ANXA8: variants seen among roughly 807,000 people sequenced by gnomAD.
ANXA8 encodes annexin A8, also known as VAC-beta.
A neutral mutation model predicts 26.8 loss-of-function variants in ANXA8; 9 were observed. That is an observed-to-expected ratio of 0.34 (90% CI 0.20 to 0.59). The LOEUF (loss-of-function observed/expected upper bound fraction) is 0.59. ANXA8 is among the 20% of genes least tolerant of loss of function. The pLI is 0.84. For missense variants in ANXA8, 83 were observed against 238.5 expected, an observed-to-expected ratio of 0.35 and a Z score of 4.29; for synonymous variants, 39 against 94.8, an observed-to-expected ratio of 0.41 and a Z score of 3.42.
chr10:47,637,413 T>C, the ANXA8 span, among the ~76,000 whole-genome samples: 5 of 150,222 alleles, frequency 3.3e-5, no homozygotes, highest in Non-Finnish European at 7.3e-5. Context: ...CCAATCTCTG[T>C]AGTAAACACA....
At chr10:47,498,030 A>G in the ANXA8 span, among the ~76,000 whole-genome samples, 1 of 151,468 alleles carries the variant, frequency 6.6e-6, no homozygotes, top group Non-Finnish European at 1.5e-5. Flanking sequence ...TGGCAGTTGG[A>G]ACAGGGGTCA....
At chr10:47,502,934 T>A in the ANXA8 span, 7 of 1,601,638 alleles carry the variant, frequency 4.4e-6, 2 homozygotes, top group African/African-American at 8.5e-5. Flanking sequence ...TGTTTCTTTT[T>A]ATTGGCATGA....
chr10:47,951,796 G>GT, the ANXA8 span, among the ~76,000 whole-genome samples: 15 of 104,576 alleles, frequency 1.4e-4, no homozygotes, highest in African/African-American at 5.5e-4. Flanking sequence ...GGGAGACAGA[G>GT]CAAGACTCTG....
At chr10:47,676,455 G>A in the ANXA8 span, among the ~76,000 whole-genome samples, 1 of 151,840 alleles carries the variant, frequency 6.6e-6, no homozygotes, top group African/African-American at 2.4e-5. Context: ...AGCAACAGGA[G>A]AGCAACAGGA....
chr10:47,553,126 T>C, the ANXA8 span, among the ~76,000 whole-genome samples: 1 of 151,960 alleles, frequency 6.6e-6, no homozygotes, highest in Non-Finnish European at 1.5e-5. Context: ...TCTACTATAT[T>C]TTACTGCCGA....
At chr10:47,668,097 T>A in the ANXA8 span, among the ~76,000 whole-genome samples, 2 of 151,144 alleles carry the variant, frequency 1.3e-5, no homozygotes, top group African/African-American at 4.9e-5. Flanking sequence ...TTTTCTTGAA[T>A]TATTTCACTG....
chr10:47,599,461 A>G, the ANXA8 span, among the ~76,000 whole-genome samples: 36 of 149,008 alleles, frequency 2.4e-4, 7 homozygotes, highest in African/African-American at 9.3e-4. Flanking sequence ...ACTAGCATAA[A>G]ATATTAATTG....
chr10:47,674,794 G>A, the ANXA8 span, among the ~76,000 whole-genome samples: 35 of 151,662 alleles, frequency 2.3e-4, no homozygotes, highest in Non-Finnish European at 2.9e-5. Flanking sequence ...TCTTATTATT[G>A]CTTTATTTAT....
the ANXA8 span, among the ~76,000 whole-genome samples, chr10:47,685,346 CAAAAAA>C: frequency 3.0e-4 from 25 of 82,998 alleles, no homozygotes; most frequent in African/African-American, 1.0e-3. Flanking sequence ...GAATCTGTCT[CAAAAAA>C]AAAAAAAAAG....
chr10:47,502,415 C>T, the ANXA8 span: 9 of 1,610,794 alleles, frequency 5.6e-6, no homozygotes, highest in Non-Finnish European at 7.6e-6. Flanking sequence ...AGCTTCTCCT[C>T]ATATTTGGAA....
chr10:47,743,405 T>TGTGTGTGTGAGAGAGAGAGAGA, the ANXA8 span, among the ~76,000 whole-genome samples: 1 of 83,528 alleles, frequency 1.2e-5, no homozygotes, highest in African/African-American at 4.9e-5. Context: ...TGTGTGTGTG[T>TGTGTGTGTGAGAGAGAGAGAGA]GAGAGAGAGA....
At chr10:47,750,745 AAAT>A in the ANXA8 span, 1 of 148,008 alleles carries the variant, frequency 6.8e-6, no homozygotes, top group Non-Finnish European at 1.5e-5. Flanking sequence ...ACTTAAATCT[AAAT>A]TTTATTTTAT....
chr10:47,898,962 T>C, the ANXA8 span, among the ~76,000 whole-genome samples: 1 of 149,796 alleles, frequency 6.7e-6, no homozygotes, highest in African/African-American at 2.5e-5. Context: ...GCCTCCCGAG[T>C]AGCTGGGATT....
the ANXA8 span, among the ~76,000 whole-genome samples, chr10:47,941,592 A>T: frequency 6.8e-6 from 1 of 147,168 alleles, no homozygotes; most frequent in East Asian, 2.1e-4. Flanking sequence ...GCAGTCAGCC[A>T]AGATTGCTTC....
chr10:47,968,873 A>G, the ANXA8 span, among the ~76,000 whole-genome samples: 1 of 145,182 alleles, frequency 6.9e-6, no homozygotes, highest in Non-Finnish European at 1.5e-5. Context: ...GGCACATCCT[A>G]TGTAACATAT....
the ANXA8 span, among the ~76,000 whole-genome samples, chr10:47,991,313 G>GCA: frequency 1.3e-5 from 1 of 79,874 alleles, no homozygotes; most frequent in Admixed American, 1.2e-4. Flanking sequence ...CTCCCCAAAT[G>GCA]CACACGTGTG....
the ANXA8 span, among the ~76,000 whole-genome samples, chr10:47,652,345 C>T: frequency 6.6e-6 from 1 of 151,840 alleles, no homozygotes; most frequent in South Asian, 2.1e-4. Flanking sequence ...AGCCTGTAAT[C>T]CCAGGCTTTG....
At chr10:47,977,546 G>A in the ANXA8 span, among the ~76,000 whole-genome samples, 1 of 151,216 alleles carries the variant, frequency 6.6e-6, no homozygotes. Flanking sequence ...ACAACTAAAG[G>A]AAAACATGTT....
the ANXA8 span, among the ~76,000 whole-genome samples, chr10:47,942,108 C>T: frequency 6.8e-6 from 1 of 147,324 alleles, no homozygotes; most frequent in Admixed American, 6.7e-5. Context: ...AGAAGCAACA[C>T]CCCTGGAGGG....
Sources: gnomAD v4.1 joint callset for allele counts (sites outside exome capture counted in the v4.1 genomes callset) on GRCh38, gnomAD v4.1.1 for gene constraint, MANE v1.5 for transcripts, NCBI Gene and HGNC (gene_info 2026-07-23, HGNC 2026-07-21) for gene names.